Variants in GTF3C5 observed in about 807,000 individuals in gnomAD.
GTF3C5 encodes the protein general transcription factor IIIC subunit 5, also known as general transcription factor 3C polypeptide 5.
GTF3C5 carries 47 observed loss-of-function variants against 61.0 expected under a neutral mutation model. The observed-to-expected ratio is 0.77, with a 90% CI of 0.61 to 0.98. The LOEUF is 0.98. Among genes scored for constraint, GTF3C5 ranks in the 50% least tolerant of loss-of-function variants. The pLI, the probability that GTF3C5 is intolerant of heterozygous loss-of-function variation, is 0.00. For missense variants in GTF3C5, 659 were observed against 703.3 expected (o/e 0.94, Z 0.71); for synonymous variants, 295 against 275.4 (o/e 1.07, Z -0.71).
rs201809930 is a variant in GTF3C5 at position 133,053,854 on chromosome 9, G to T, written c.900G>T (p.Trp300Cys). The T allele has an allele frequency of 1.9e-5, 31 of 1,611,620 alleles. No individual in the cohort carries two copies. The Admixed American group carries it at 5.2e-4, about 27-fold the overall frequency. The change falls in exon 6 of 11, where the codon TGG (tryptophan) becomes TGT (cysteine). Residue 300 changes from tryptophan to cysteine, a missense_variant. By Grantham distance (215) the Trp-to-Cys change is radical (BLOSUM62 -2). Coordinates refer to ENST00000372097, the MANE Select transcript of GTF3C5 (RefSeq NM_012087.4). ...YMITGPWRSL[W>C]IRFGYDPRKN... ...TAACAGGCCCCTGGCGCAGCCTATGGATTCGATTTGGGTATGACCCCCGAA... is the reference window on the plus strand; with the variant it reads ...TAACAGGCCCCTGGCGCAGCCTATGTATTCGATTTGGGTATGACCCCCGAA...
At chr9:133,048,534 T>G (rs1182521842) in intron 3 of GTF3C5, among the ~76,000 whole-genome samples, 1 of 152,068 alleles carries the variant, frequency 6.6e-6, no homozygotes, top group East Asian at 1.9e-4. Flanking sequence ...CCGGGCGTGG[T>G]GGCGCATGCT....
At chr9:133,057,718 A>G in intron 10 of GTF3C5, 96 bp from the exon 11 acceptor site, 2 of 1,170,182 alleles carry the variant, frequency 1.7e-6, no homozygotes, top group South Asian at 1.5e-5. Context: ...TCGGACCCTT[A>G]TAGTAGTAAA....
rs1829878983 is a variant in GTF3C5 at position 133,054,802 on chromosome 9, A to G, written c.1160A>G (p.Lys387Arg). The G allele has an allele frequency of 6.4e-6, 10 of 1,573,062 alleles. No homozygotes were observed. The East Asian group carries it at 2.3e-4, about 36-fold the overall frequency. The change falls in exon 8 of 11, where the codon AAG becomes AGG. Residue 387 changes from lysine to arginine, a missense_variant. Physicochemically the swap from Lys to Arg is conservative, Grantham distance 26. Transcript: ENST00000372097. ...CGGAAACCAGCTTCCAGCAAGTACA[A>G]GCTCAAGGTGGGCGCCCCTGGAGGC... ...GARKPASSKY[K>R]LKDSVYIFRE... is the part of the protein sequence containing the mutation.
chr9:133,051,455 C>T (rs1477798217), intron 4 of GTF3C5, among the ~76,000 whole-genome samples: 2 of 152,248 alleles, frequency 1.3e-5, no homozygotes, highest in African/African-American at 4.8e-5. Context: ...TGGAGCCCGG[C>T]GCTTCCCTTA....
intron 1 of GTF3C5, among the ~76,000 whole-genome samples, chr9:133,036,200 C>T (rs553545806): frequency 9.2e-5 from 14 of 152,284 alleles, no homozygotes; most frequent in Admixed American, 7.8e-4. Flanking sequence ...CACTCATGCT[C>T]AGGTCCTTTT....
chr9:133,037,232 A>G (rs12685511), intron 1 of GTF3C5, among the ~76,000 whole-genome samples: 6 of 152,180 alleles, frequency 3.9e-5, no homozygotes, highest in Non-Finnish European at 1.5e-5. Flanking sequence ...ATTACTGTAA[A>G]CCACTGATGG....
Position 133,045,759 on chromosome 9 carries a change from C to T in GTF3C5, c.572+1833C>T, listed in dbSNP as rs544706642. ...TAAAACAATTCTCCTACCTCAGCCT[C>T]CTGAGTAGTTGGGACTGCAGGCGCC... is the stretch of plus-strand genomic sequence containing the variant. On this transcript the variant is annotated intron_variant, in intron 3 of 10. Transcript: ENST00000372097. Among the ~76,000 whole-genome samples the T allele has an allele frequency of 3.3e-4, 50 of 152,320 alleles. No homozygotes were observed. In the South Asian group the frequency reaches 5.2e-3, roughly 16 times the overall value.
At chr9:133,054,283 C>A in intron 6 of GTF3C5, 125 bp from the exon 7 acceptor site, 2 of 741,670 alleles carry the variant, frequency 2.7e-6, no homozygotes, top group Non-Finnish European at 4.6e-6. Context: ...GCGTGCTTGG[C>A]AGTCTGGGGT....
chr9:133,052,702 G>C (rs1404995348), intron 5 of GTF3C5, among the ~76,000 whole-genome samples: 2 of 152,222 alleles, frequency 1.3e-5, no homozygotes, highest in Non-Finnish European at 2.9e-5. Context: ...GGGGAGGCCA[G>C]CGTAAGACAT....
chr9:133,050,872 T>C lies in GTF3C5; in HGVS notation c.662T>C (p.Phe221Ser). The stretch of plus-strand genomic sequence containing the variant: ...CCCCACAATGCCATCTTTGTCAACT[T>C]TGAGGATGAGGAGGTGCCCAAGCAG... Reference protein sequence around the residue: ...RRPHNAIFVNFEDEEVPKQPL... With the variant: ...RRPHNAIFVNSEDEEVPKQPL... Residue 221 changes from phenylalanine (F) to serine (S), a missense_variant, in exon 4 of 11, where the codon TTT becomes TCT. Transcript: ENST00000372097. The C allele has an allele frequency of 6.2e-7, 1 of 1,613,000 alleles. No individual in the cohort carries two copies. The highest frequency in any genetic ancestry group is 1.7e-5 in the Admixed American group (1 of 59,864).
intron 8 of GTF3C5, 40 bp from the exon 9 acceptor site, chr9:133,055,972 C>G: frequency 6.2e-7 from 1 of 1,613,616 alleles, no homozygotes; most frequent in Non-Finnish European, 8.5e-7. Context: ...CCCCAGGGCT[C>G]TGGCTCACCT....
rs779816318 is a variant in GTF3C5 at position 133,042,318 on chromosome 9, C to G, written c.373+12C>G. ...TTACAAATTTCAGGGTAACTGAAAT[C>G]TGCTCTTGCAATGTCTGGTTATTTC... On this transcript the variant is annotated intron_variant, in intron 2 of 10. Coordinates refer to ENST00000372097, the MANE Select transcript of GTF3C5 (RefSeq NM_012087.4). The G allele has an allele frequency of 4.6e-6, 7 of 1,522,732 alleles. No homozygotes were observed. In the Admixed American group the frequency reaches 1.2e-4, roughly 25 times the overall value. The allele number at this position is 1,522,732 out of a possible 1,614,324, so 94.3% of individuals were successfully genotyped here.
intron 1 of GTF3C5, among the ~76,000 whole-genome samples, chr9:133,040,463 A>T (rs75360103): frequency 0.029 from 4,473 of 152,314 alleles, 75 homozygotes; most frequent in East Asian, 0.066. Context: ...AATGTCTACC[A>T]TGAGTTAGGC....
At chr9:133,038,638 G>A (rs1323844393) in intron 1 of GTF3C5, among the ~76,000 whole-genome samples, 1 of 146,918 alleles carries the variant, frequency 6.8e-6, no homozygotes. Flanking sequence ...TTTTTTTTTA[G>A]TAGAGTTGGG....
chr9:133,044,425 A>G (rs1256082145), intron 3 of GTF3C5: 1 of 154,502 alleles, frequency 6.5e-6, no homozygotes, highest in Admixed American at 6.5e-5. Flanking sequence ...CCTTGCTGTC[A>G]CTAGTAATGA....
chr9:133,047,058 C>T (rs1376417472), intron 3 of GTF3C5, among the ~76,000 whole-genome samples: 1 of 152,174 alleles, frequency 6.6e-6, no homozygotes, highest in Non-Finnish European at 1.5e-5. Context: ...CAGTGAGCAA[C>T]ATTCTGCTCC....
intron 6 of GTF3C5, 22 bp from the exon 7 acceptor site, chr9:133,054,386 A>C: frequency 6.2e-7 from 1 of 1,609,518 alleles, no homozygotes; most frequent in Non-Finnish European, 8.5e-7. Flanking sequence ...CGCCCACCTG[A>C]CTTGCCCGCC....
chr9:133,054,840 G>T (rs1361336802), intron 8 of GTF3C5, 31 bp downstream of exon 8: 2 of 1,548,298 alleles, frequency 1.3e-6, no homozygotes, highest in Admixed American at 2.0e-5. Context: ...GGAATGGAGG[G>T]GAGGACTTCC....
intron 8 of GTF3C5, 142 bp from the exon 9 acceptor site, chr9:133,055,870 T>G (rs1829922832): frequency 2.8e-6 from 4 of 1,453,186 alleles, no homozygotes; most frequent in Admixed American, 5.0e-5. Context: ...CTCCGTGGCC[T>G]TCCAGCCTGT....
Sources: allele counts gnomAD v4.1 joint callset (sites outside exome capture counted in the v4.1 genomes callset), GRCh38; gene constraint gnomAD v4.1.1; transcripts MANE v1.5; gene names NCBI Gene and HGNC (gene_info 2026-07-23, HGNC 2026-07-21).